FOCAD: variants seen among roughly 807,000 people sequenced by gnomAD.
The protein encoded by FOCAD is KIAA1797.
Under a neutral mutation model 225.6 loss-of-function variants are expected in FOCAD, and 198 were observed. The ratio of observed to expected loss-of-function variants is 0.88; its 90% CI spans 0.78 to 0.99. The LOEUF is 0.99. FOCAD is among the 50% of genes least tolerant of loss of function. FOCAD has a pLI of 0.00. For missense variants in FOCAD, 2,713 were observed against 2,123.6 expected, an observed-to-expected ratio of 1.28 and a Z score of -5.46; for synonymous variants, 897 against 755.0, an observed-to-expected ratio of 1.19 and a Z score of -3.08.
chr9:20,984,814 T>C (rs893484034), intron 39 of FOCAD, among the ~76,000 whole-genome samples: 1 of 152,200 alleles, frequency 6.6e-6, no homozygotes, highest in Non-Finnish European at 1.5e-5. Flanking sequence ...AAAAAAAATA[T>C]TTTTTAGACT....
intron 15 of FOCAD, among the ~76,000 whole-genome samples, chr9:20,824,630 G>A (rs989135803): frequency 1.3e-5 from 2 of 151,952 alleles, no homozygotes; most frequent in Non-Finnish European, 2.9e-5. Flanking sequence ...AGGCACTAGT[G>A]TACATAATAT....
intron 11 of FOCAD, among the ~76,000 whole-genome samples, chr9:20,808,930 A>G (rs192161431): frequency 6.6e-6 from 1 of 152,228 alleles, no homozygotes; most frequent in Non-Finnish European, 1.5e-5. Flanking sequence ...TCTGTAACAT[A>G]TAATAGTAAT....
At chr9:20,798,021 A>G (rs577775872) in intron 11 of FOCAD, among the ~76,000 whole-genome samples, 12 of 152,274 alleles carry the variant, frequency 7.9e-5, no homozygotes, top group Admixed American at 2.0e-4. Context: ...GATATGTCCC[A>G]TGAATACCTA....
At chr9:20,785,829 C>A (rs1819867942) in intron 10 of FOCAD, among the ~76,000 whole-genome samples, 1 of 152,090 alleles carries the variant, frequency 6.6e-6, no homozygotes, top group African/African-American at 2.4e-5. Context: ...GGGGAATGGC[C>A]AGATTGTTTT....
chr9:20,961,503 G>A (rs1194968110), intron 35 of FOCAD, among the ~76,000 whole-genome samples: 1 of 152,156 alleles, frequency 6.6e-6, no homozygotes, highest in African/African-American at 2.4e-5. Flanking sequence ...GCTAACATCT[G>A]TGTGCAAAGC....
At chr9:20,796,972 C>T (rs1445879397) in intron 11 of FOCAD, among the ~76,000 whole-genome samples, 1 of 152,072 alleles carries the variant, frequency 6.6e-6, no homozygotes, top group African/African-American at 2.4e-5. Flanking sequence ...GTCTTTAATC[C>T]ATCTAGAATT....
At chr9:20,976,228 A>G (rs1052494868) in intron 35 of FOCAD, 192 bp from the exon 36 acceptor site, 5 of 363,680 alleles carry the variant, frequency 1.4e-5, no homozygotes, top group African/African-American at 1.0e-4. Flanking sequence ...TTTTAAAAAG[A>G]GAAGAACAGA....
chr9:20,920,073 G>C (rs1391118631), intron 24 of FOCAD, among the ~76,000 whole-genome samples: 1 of 152,000 alleles, frequency 6.6e-6, no homozygotes, highest in Non-Finnish European at 1.5e-5. Flanking sequence ...TCTGACAAAG[G>C]GCTAATATCC....
At chr9:20,769,266 T>C (rs1009573091) in intron 7 of FOCAD, among the ~76,000 whole-genome samples, 1 of 152,354 alleles carries the variant, frequency 6.6e-6, no homozygotes, top group East Asian at 1.9e-4. Context: ...TGATAACCAC[T>C]GGTAAAAGGT....
intron 35 of FOCAD, among the ~76,000 whole-genome samples, chr9:20,967,397 T>G (rs989673410): frequency 1.3e-5 from 2 of 152,178 alleles, no homozygotes; most frequent in Admixed American, 1.3e-4. Context: ...ATTCCTTTAT[T>G]AACTCTATTA....
chr9:20,794,249 A>G (rs763096143), intron 11 of FOCAD, among the ~76,000 whole-genome samples: 21 of 152,332 alleles, frequency 1.4e-4, no homozygotes, highest in Non-Finnish European at 2.6e-4. Context: ...TGTTGGAAAG[A>G]CACTGTATAT....
chr9:20,954,922 G>T (rs1837999959), intron 35 of FOCAD, among the ~76,000 whole-genome samples: 1 of 152,194 alleles, frequency 6.6e-6, no homozygotes, highest in Admixed American at 6.5e-5. Context: ...ACCCTGCTCT[G>T]TGGGGCTAAA....
intron 28 of FOCAD, among the ~76,000 whole-genome samples, chr9:20,933,954 A>G (rs1564172316): frequency 6.6e-6 from 1 of 152,042 alleles, no homozygotes. Context: ...TTCTCTGATC[A>G]TTAGTGATGT....
intron 34 of FOCAD, 29 bp from the exon 35 acceptor site, chr9:20,952,956 G>C (rs759639161): frequency 1.9e-6 from 3 of 1,581,504 alleles, no homozygotes; most frequent in East Asian, 2.2e-5. Flanking sequence ...AAGTTCACTG[G>C]TTAATTTGAT....
At chr9:20,983,885 A>G (rs546378541) in intron 39 of FOCAD, among the ~76,000 whole-genome samples, 1 of 152,314 alleles carries the variant, frequency 6.6e-6, no homozygotes, top group Non-Finnish European at 1.5e-5. Context: ...CTCAGTATTT[A>G]TTATCATAAT....
intron 30 of FOCAD, 55 bp downstream of exon 30, chr9:20,946,875 T>C (rs961934871): frequency 7.5e-6 from 12 of 1,600,854 alleles, no homozygotes; most frequent in Middle Eastern, 3.3e-4. Flanking sequence ...TGCTGCTAAG[T>C]TTTGCTTTTG....
At position 20,669,189 on chromosome 9, in the gene FOCAD, G is replaced by T. The variant is rs1285196715; in HGVS notation, c.-78+10363G>T. On this transcript the variant is annotated intron_variant, in intron 2 of 45. Coordinates refer to the FOCAD transcript ENST00000380249. ...CCTAGGGTGAAAAAAATTTAAGGGG[G>T]TGCTCATTCTCAGGGTTGTGCAAGG... 2.0e-5 allele frequency among the ~76,000 whole-genome samples: 3 copies of T among 152,252 alleles called. No homozygotes were observed. The East Asian group carries it at 5.8e-4, about 29-fold the overall frequency.
chr9:20,813,781 T>C (rs1268439287), intron 11 of FOCAD, among the ~76,000 whole-genome samples: 2 of 152,212 alleles, frequency 1.3e-5, no homozygotes, highest in East Asian at 1.9e-4. Flanking sequence ...TGTTTTCTTA[T>C]TGATCTTCTG....
chr9:20,791,338 C>T (rs1237178355), intron 11 of FOCAD, among the ~76,000 whole-genome samples: 4 of 151,686 alleles, frequency 2.6e-5, no homozygotes, highest in Non-Finnish European at 5.9e-5. Context: ...AAGTTTTTTC[C>T]CCTTTATTTT....
Sources: gnomAD v4.1 joint callset for allele counts (sites outside exome capture counted in the v4.1 genomes callset) on GRCh38, gnomAD v4.1.1 for gene constraint, MANE v1.5 for transcripts, NCBI Gene and HGNC (gene_info 2026-07-23, HGNC 2026-07-21) for gene names.